Variants in PCLO observed in about 807,000 individuals in gnomAD.
PCLO encodes protein piccolo.
Under a neutral mutation model 427.5 loss-of-function variants are expected in PCLO, and 82 were observed. The ratio of observed to expected loss-of-function variants is 0.19; its 90% CI spans 0.16 to 0.23. The LOEUF (loss-of-function observed/expected upper bound fraction) is 0.23. PCLO is among the 10% of genes least tolerant of loss of function. PCLO has a pLI of 1.00. For missense variants in PCLO, 6,239 were observed against 6,115.9 expected, an observed-to-expected ratio of 1.02 and a Z score of -0.67; for synonymous variants, 2,357 against 2,155.4, an observed-to-expected ratio of 1.09 and a Z score of -2.59.
chr7:82,918,051 CCTAAAGGTTTATT>C (rs1756052518), intron 6 of PCLO, among the ~76,000 whole-genome samples: 1 of 151,728 alleles, frequency 6.6e-6, no homozygotes, highest in Non-Finnish European at 1.5e-5. Context: ...GAAACAAAAT[CCTAAAGGTTTATT>C]GAAGTTTATA....
intron 22 of PCLO, among the ~76,000 whole-genome samples, chr7:82,782,374 A>G (rs1293056466): frequency 6.6e-6 from 1 of 152,172 alleles, no homozygotes; most frequent in African/African-American, 2.4e-5. Flanking sequence ...CCAGAAAAAA[A>G]TCTTCTATAC....
intron 12 of PCLO, 31 bp downstream of exon 12, chr7:82,846,536 T>G (rs754722782): frequency 7.0e-7 from 1 of 1,421,616 alleles, no homozygotes; most frequent in East Asian, 2.3e-5. Context: ...ATCTCTTTAT[T>G]TACAGTTGAA....
At chr7:82,929,806 G>C (rs1794799081) in intron 6 of PCLO, among the ~76,000 whole-genome samples, 2 of 151,986 alleles carry the variant, frequency 1.3e-5, no homozygotes, top group South Asian at 4.1e-4. Context: ...AACTATTTAG[G>C]ATTAGCAAAT....
rs547486813 is a variant in PCLO, at chr7:83,156,341, C to T, written c.300G>A (p.Pro100=). The T allele has an allele frequency of 5.6e-6, 9 of 1,611,796 alleles. No individual in the cohort carries two copies. The highest frequency in any genetic ancestry group is 2.7e-5 in the African/African-American group (2 of 74,400). Residue 100 remains proline, a synonymous_variant, in exon 2 of 25, where the codon CCG becomes CCA. Coordinates refer to ENST00000333891, the MANE Select transcript of PCLO (RefSeq NM_033026.6). The stretch of plus-strand genomic sequence containing the variant: ...CAGGTTGAGCTGGACGCCCAGGGTC[C>T]GGGGGTCTTCCTGATTGCTTTGGAG... The part of the protein sequence containing the change: ...SHPPKQSGRP[P]DPGRPAQPGL...
At chr7:82,855,996 C>T (rs1172176069) in intron 10 of PCLO, among the ~76,000 whole-genome samples, 1 of 152,016 alleles carries the variant, frequency 6.6e-6, no homozygotes, top group Non-Finnish European at 1.5e-5. Context: ...TCAATGTAGG[C>T]AAAACTACTC....
At chr7:83,118,622 A>C (rs1791193070) in intron 3 of PCLO, among the ~76,000 whole-genome samples, 1 of 152,120 alleles carries the variant, frequency 6.6e-6, no homozygotes, top group Admixed American at 6.5e-5. Flanking sequence ...CAGAGGGCAT[A>C]ATTTGGCTGG....
At position 83,135,574 on chromosome 7, in the gene PCLO, G is replaced by T. The variant is rs1189302809; in HGVS notation, c.1976C>A (p.Pro659His). Residue 659 changes from proline to histidine, a missense_variant, in exon 3 of 25, where the codon CCC becomes CAC. This residue lies in a region of PCLO where 4,677 missense variants were observed against 4,468.4 expected (regional missense o/e 1.05). Coordinates refer to ENST00000333891, the MANE Select transcript of PCLO (RefSeq NM_033026.6). ...DLAPVPSSPQ[P>H]KLKTAPVTTT... ...GGTAACAGGTGCAGTCTTCAGTTTG[G>T]GCTGGGGTGATGACGGAACTGGAGC... is the stretch of plus-strand genomic sequence containing the variant. 3 of 1,613,442 alleles carry T rather than the reference G, an allele frequency of 1.9e-6. No individual in the cohort carries two copies. In the East Asian group the frequency reaches 6.7e-5, roughly 36 times the overall value.
chr7:83,064,530 G>A (rs1416175977), intron 3 of PCLO, among the ~76,000 whole-genome samples: 2 of 151,886 alleles, frequency 1.3e-5, no homozygotes, highest in African/African-American at 2.4e-5. Context: ...TAAAGAAAAT[G>A]GTGTTCATAA....
intron 1 of PCLO, among the ~76,000 whole-genome samples, chr7:83,157,187 T>C (rs2116697059): frequency 6.6e-6 from 1 of 152,296 alleles, no homozygotes; most frequent in South Asian, 2.1e-4. Context: ...CATCAAATAT[T>C]ATCCTTATGA....
intron 3 of PCLO, among the ~76,000 whole-genome samples, chr7:83,105,892 G>A (rs1369208010): frequency 6.6e-6 from 1 of 152,108 alleles, no homozygotes; most frequent in Non-Finnish European, 1.5e-5. Flanking sequence ...AAACTAGTAG[G>A]TTCCTTGCTT....
chr7:83,033,485 A>G (rs1430403299), intron 3 of PCLO, among the ~76,000 whole-genome samples: 1 of 152,056 alleles, frequency 6.6e-6, no homozygotes, highest in Non-Finnish European at 1.5e-5. Flanking sequence ...TTACATATAT[A>G]CCTGCCTTTT....
At chr7:82,935,208 A>T in intron 6 of PCLO, among the ~76,000 whole-genome samples, 1 of 150,030 alleles carries the variant, frequency 6.7e-6, no homozygotes, top group East Asian at 1.9e-4. Context: ...AAAAAAAAAA[A>T]AAAAAAAAAA....
chr7:82,900,385 C>CAT (rs2116179902), intron 9 of PCLO, among the ~76,000 whole-genome samples: 1 of 151,714 alleles, frequency 6.6e-6, no homozygotes, highest in South Asian at 2.1e-4. Context: ...ATTGCCTATA[C>CAT]ATATATAACA....
At chr7:82,912,922 C>A (rs868122765) in intron 7 of PCLO, among the ~76,000 whole-genome samples, 1 of 151,910 alleles carries the variant, frequency 6.6e-6, no homozygotes, top group Non-Finnish European at 1.5e-5. Context: ...TGCCATTGAC[C>A]CTCTAGGGTT....
chr7:83,000,268 TGAGAGAGAGA>T (rs145445022), intron 3 of PCLO, among the ~76,000 whole-genome samples: 1,191 of 54,092 alleles, frequency 0.022, 11 homozygotes, highest in African/African-American at 0.092. Context: ...TTCAAAGTGT[TGAGAGAGAGA>T]GAGAGAGAGA....
chr7:82,902,924 G>A (rs1277351743), intron 8 of PCLO, among the ~76,000 whole-genome samples, 183 bp from the exon 9 acceptor site: 1 of 152,036 alleles, frequency 6.6e-6, no homozygotes, highest in African/African-American at 2.4e-5. Context: ...TACTGGTTCT[G>A]AGTTCTTATG....
At chr7:82,764,839 A>C (rs2129467661) in intron 22 of PCLO, among the ~76,000 whole-genome samples, 1 of 152,066 alleles carries the variant, frequency 6.6e-6, no homozygotes, top group African/African-American at 2.4e-5. Flanking sequence ...TAAAGATGAT[A>C]ATAATGCAAT....
At chr7:82,803,282 G>A (rs1301347418) in intron 21 of PCLO, among the ~76,000 whole-genome samples, 1 of 152,062 alleles carries the variant, frequency 6.6e-6, no homozygotes, top group African/African-American at 2.4e-5. Context: ...TCTATTGAAA[G>A]TGCAGGTCTT....
intron 3 of PCLO, among the ~76,000 whole-genome samples, chr7:83,038,045 A>ATATATATATTTATT (rs1788861867): frequency 5.7e-5 from 2 of 35,204 alleles, no homozygotes; most frequent in Non-Finnish European, 8.6e-5. Flanking sequence ...ATATTTATAT[A>ATATATATATTTATT]TATATCTTTA....
Sources: allele counts gnomAD v4.1 joint callset (sites outside exome capture counted in the v4.1 genomes callset), GRCh38; gene constraint gnomAD v4.1.1; regional missense constraint gnomAD v4.1.1; transcripts MANE v1.5; gene names NCBI Gene and HGNC (gene_info 2026-07-23, HGNC 2026-07-21).